Variants in GALNT10 observed in about 807,000 individuals in gnomAD.
GALNT10 encodes GalNAc transferase 10.
In GALNT10, 41 loss-of-function variants were observed where a neutral mutation model predicts 75.0. The ratio of observed to expected loss-of-function variants is 0.55; its 90% CI spans 0.43 to 0.71. GALNT10 has a LOEUF of 0.71. GALNT10 is among the 30% of genes least tolerant of loss of function. The pLI is 0.00. For synonymous variants in GALNT10, 302 were observed against 313.0 expected (o/e 0.96, Z 0.37); for missense variants, 727 against 818.5 (o/e 0.89, Z 1.36).
intron 1 of GALNT10, among the ~76,000 whole-genome samples, chr5:154,241,837 A>C (rs553752251): frequency 1.8e-4 from 27 of 152,200 alleles, no homozygotes; most frequent in Non-Finnish European, 8.8e-5. Context: ...TTGTCCAGTT[A>C]TTTCCTCAGT....
chr5:154,364,757 C>T (rs563777868), intron 4 of GALNT10, among the ~76,000 whole-genome samples: 7 of 152,184 alleles, frequency 4.6e-5, no homozygotes, highest in African/African-American at 1.2e-4. Flanking sequence ...TGTTGCTCTC[C>T]GACACCTGAC....
chr5:154,409,454 C>A lies in GALNT10; in HGVS notation c.1165-87C>A. 1 of 868,058 alleles carries A rather than the reference C, an allele frequency of 1.2e-6. No individual in the cohort carries two copies. The highest frequency in any genetic ancestry group is 2.0e-6 in the Non-Finnish European group (1 of 499,584). 53.8% of individuals were successfully genotyped at this position (868,058 alleles called of 1,614,324 possible). A position where few individuals can be genotyped will look rare whatever the true frequency, so the allele number is the denominator to read the frequency against. ...TGGAACATAAAATAAGAAGGGTTGA[C>A]CTCGACCTGCCAGGACCCTTTTCAC... On this transcript the variant is annotated intron_variant, in intron 8 of 11. Transcript: ENST00000297107. The surrounding 1 kb of genome is among the most constrained non-coding windows in gnomAD (Gnocchi z 4.5).
intron 3 of GALNT10, among the ~76,000 whole-genome samples, chr5:154,312,381 A>G (rs1261815140): frequency 6.6e-6 from 1 of 152,132 alleles, no homozygotes; most frequent in East Asian, 1.9e-4. Flanking sequence ...TTACGCTCCA[A>G]TCCTAAGTCT....
intron 1 of GALNT10, among the ~76,000 whole-genome samples, chr5:154,279,293 G>GTTTT (rs1438708675): frequency 7.2e-6 from 1 of 138,926 alleles, no homozygotes. Flanking sequence ...TGTTGTTGTT[G>GTTTT]TTGTTGTTTT....
At chr5:154,258,560 A>C (rs949215334) in intron 1 of GALNT10, among the ~76,000 whole-genome samples, 5 of 152,190 alleles carry the variant, frequency 3.3e-5, no homozygotes, top group African/African-American at 1.2e-4. Flanking sequence ...ATCACAGATA[A>C]ATGGAGTATC....
chr5:154,263,007 G>A (rs1188325024), intron 1 of GALNT10, among the ~76,000 whole-genome samples: 6 of 152,134 alleles, frequency 3.9e-5, no homozygotes, highest in Non-Finnish European at 7.3e-5. Context: ...ACAAGTGTTG[G>A]CAAGGACGTG....
intron 2 of GALNT10, 140 bp downstream of exon 2, chr5:154,295,058 C>G (rs571824073): frequency 1.0e-5 from 5 of 485,986 alleles, no homozygotes; most frequent in Admixed American, 7.4e-5. Flanking sequence ...TGGCTCCCTC[C>G]CTGTCAGCCA....
At chr5:154,336,960 G>A (rs941568631) in intron 4 of GALNT10, among the ~76,000 whole-genome samples, 33 of 152,130 alleles carry the variant, frequency 2.2e-4, no homozygotes, top group South Asian at 1.5e-3. Context: ...TTTTACAGAT[G>A]ATGAAACTGG....
intron 3 of GALNT10, among the ~76,000 whole-genome samples, chr5:154,326,073 C>CAA (rs201544546): frequency 3.5e-5 from 5 of 143,332 alleles, no homozygotes; most frequent in Non-Finnish European, 6.1e-5. Context: ...TACACACTAG[C>CAA]AAAAAAAAAA....
intron 1 of GALNT10, among the ~76,000 whole-genome samples, chr5:154,279,302 T>G (rs868514495): frequency 1.4e-5 from 2 of 146,534 alleles, no homozygotes; most frequent in African/African-American, 5.1e-5. Flanking sequence ...TGTTGTTGTT[T>G]TGTTTTTTTT....
intron 1 of GALNT10, among the ~76,000 whole-genome samples, chr5:154,279,386 C>T (rs1754004885): frequency 6.6e-6 from 1 of 150,656 alleles, no homozygotes; most frequent in South Asian, 2.1e-4. Context: ...TCACCACAAC[C>T]TCCGCCTCCC....
chr5:154,364,194 A>C (rs1359859016), intron 4 of GALNT10, among the ~76,000 whole-genome samples: 1 of 152,222 alleles, frequency 6.6e-6, no homozygotes, highest in Non-Finnish European at 1.5e-5. Flanking sequence ...AAGCAAGGAA[A>C]TTAGTCGAGC....
rs7737100 is a variant in GALNT10 at position 154,297,630 on chromosome 5, A to T, written c.263-311A>T. ...TTGGAGTTCCTGACGGAGTGAGGGG[A>T]GCATGGGTTTTGGAATCCATACTCC... On this transcript the variant is annotated intron_variant, in intron 2 of 11. Coordinates refer to ENST00000297107, the MANE Select transcript of GALNT10 (RefSeq NM_198321.4). 8.0e-3 allele frequency among the ~76,000 whole-genome samples: 1,213 copies of T among 152,152 alleles called. 15 individuals are homozygous for T. Among genetic ancestry groups the T allele is most frequent in the South Asian group, 0.025 (118 of 4,812 alleles).
chr5:154,191,005 G>T lies in GALNT10; in HGVS notation c.139G>T (p.Val47Leu). 1 of 1,476,188 alleles carries T rather than the reference G, an allele frequency of 6.8e-7. No individual in the cohort carries two copies. The highest frequency in any genetic ancestry group is 9.0e-7 in the Non-Finnish European group (1 of 1,110,740). The allele number at this position is 1,476,188 out of a possible 1,614,324, so 91.4% of individuals were successfully genotyped here. A position where few individuals can be genotyped will look rare whatever the true frequency, so the allele number is the denominator to read the frequency against. ...CACCCCTGGGGGATCGGGGGCGGCG[G>T]TGGCGCCGGCGGCGGGACAGGTGAG... The part of the protein sequence containing the change: ...DGTPGGSGAA[V>L]APAAGQGSHS... Residue 47 changes from valine (V) to leucine (L), a missense_variant, in exon 1 of 12, where the codon GTG becomes TTG. Coordinates refer to ENST00000297107, the MANE Select transcript of GALNT10 (RefSeq NM_198321.4).
chr5:154,261,843 A>G lies in GALNT10; in HGVS notation c.160-32973A>G, dbSNP rs535268249. 2.0e-5 allele frequency among the ~76,000 whole-genome samples: 3 copies of G among 152,372 alleles called. 1 individual carries two copies. In the South Asian group the frequency reaches 6.2e-4, roughly 32 times the overall value. On this transcript the variant is annotated intron_variant, in intron 1 of 11. Coordinates refer to ENST00000297107, the MANE Select transcript of GALNT10 (RefSeq NM_198321.4). ...TACGATTGTGCCATCAGGGTCTAGC[A>G]TAGCACCTGGCACTTGGTGGATGCT...
At chr5:154,384,464 T>A (rs1328672003) in intron 6 of GALNT10, among the ~76,000 whole-genome samples, 1 of 150,612 alleles carries the variant, frequency 6.6e-6, no homozygotes, top group Non-Finnish European at 1.5e-5. Context: ...ATTAATGAGT[T>A]CTTTCATACT....
At chr5:154,369,337 G>A (rs1411449279) in intron 4 of GALNT10, among the ~76,000 whole-genome samples, 1 of 152,186 alleles carries the variant, frequency 6.6e-6, no homozygotes, top group African/African-American at 2.4e-5. Context: ...GCAGTGAGCT[G>A]AGATGGCACC....
At chr5:154,231,993 A>G (rs1753157789) in intron 1 of GALNT10, among the ~76,000 whole-genome samples, 1 of 152,242 alleles carries the variant, frequency 6.6e-6, no homozygotes, top group East Asian at 1.9e-4. Context: ...GCTCAAAGAA[A>G]TGCTGCAGGC....
At chr5:154,247,977 A>T (rs1214527877) in intron 1 of GALNT10, among the ~76,000 whole-genome samples, 4 of 152,214 alleles carry the variant, frequency 2.6e-5, no homozygotes, top group Non-Finnish European at 4.4e-5. Flanking sequence ...TTATTTTGAG[A>T]TACGTCCCAT....
Sources: allele counts gnomAD v4.1 joint callset (sites outside exome capture counted in the v4.1 genomes callset), GRCh38; gene constraint gnomAD v4.1.1; non-coding constraint Gnocchi (gnomAD v3.1); transcripts MANE v1.5; gene names NCBI Gene and HGNC (gene_info 2026-07-23, HGNC 2026-07-21).